The following PRKCZ variants were observed in gnomAD, a reference collection of about 807,000 sequenced individuals.
PRKCZ encodes the protein protein kinase C zeta type.
PRKCZ carries 33 observed loss-of-function variants against 79.5 expected under a neutral mutation model. The observed-to-expected ratio is 0.41, with a 90% CI of 0.31 to 0.55. PRKCZ has a LOEUF of 0.55. PRKCZ is among the 20% of genes least tolerant of loss of function. PRKCZ has a pLI of 0.19. For synonymous variants in PRKCZ, 342 were observed against 320.9 expected, an observed-to-expected ratio of 1.07 and a Z score of -0.70; for missense variants, 578 against 813.5, an observed-to-expected ratio of 0.71 and a Z score of 3.52.
chr1:2,129,087 C>T lies in PRKCZ; in HGVS notation c.335-6175C>T, dbSNP rs973266375. ...CAGGTCCCCCCAACATCCCTGCCTG[C>T]GGGCCCAGAAAGGCAGAGTGGCTGC... On this transcript the variant is annotated intron_variant, in intron 4 of 17. Coordinates refer to ENST00000378567, the MANE Select transcript of PRKCZ (RefSeq NM_002744.6). 3.3e-5 allele frequency among the ~76,000 whole-genome samples: 5 copies of T among 152,290 alleles called. No homozygotes were observed. In the East Asian group the frequency reaches 5.8e-4, roughly 18 times the overall value.
chr1:2,078,479 A>G (rs1163773964), intron 4 of PRKCZ, among the ~76,000 whole-genome samples: 1 of 152,106 alleles, frequency 6.6e-6, no homozygotes, highest in Non-Finnish European at 1.5e-5. Context: ...AAAGTCTTGT[A>G]GAATCTTTTG....
chr1:2,175,879 G>A (rs532114547), intron 16 of PRKCZ, among the ~76,000 whole-genome samples: 12 of 152,112 alleles, frequency 7.9e-5, no homozygotes, highest in African/African-American at 2.2e-4. Context: ...CGGCACATGC[G>A]TCCTGACCTG....
At chr1:2,087,901 A>AC (rs1557528643) in intron 4 of PRKCZ, among the ~76,000 whole-genome samples, 20 of 152,200 alleles carry the variant, frequency 1.3e-4, no homozygotes, top group Non-Finnish European at 8.8e-5. Context: ...CAGGCAGGTC[A>AC]CTGCCTGCAC....
intron 4 of PRKCZ, among the ~76,000 whole-genome samples, chr1:2,101,904 A>T (rs1355059059): frequency 2.6e-5 from 4 of 152,228 alleles, no homozygotes; most frequent in Non-Finnish European, 5.9e-5. Flanking sequence ...TGGTGGATTT[A>T]TAACAGATAT....
At chr1:2,183,202 G>T (rs1686970669) in intron 16 of PRKCZ, among the ~76,000 whole-genome samples, 1 of 149,934 alleles carries the variant, frequency 6.7e-6, no homozygotes, top group Admixed American at 6.7e-5. Context: ...CTGCACTTCA[G>T]CCTGGGAGAC....
chr1:2,092,158 C>T (rs1248419989), intron 4 of PRKCZ, among the ~76,000 whole-genome samples: 1 of 152,224 alleles, frequency 6.6e-6, no homozygotes, highest in Non-Finnish European at 1.5e-5. Flanking sequence ...TGGCTCCGGC[C>T]CCGTCCATCC....
At chr1:2,140,404 G>A (rs906179704) in intron 5 of PRKCZ, among the ~76,000 whole-genome samples, 1 of 152,212 alleles carries the variant, frequency 6.6e-6, no homozygotes, top group African/African-American at 2.4e-5. Context: ...TGTAATCCCA[G>A]CACTTTGGGA....
intron 10 of PRKCZ, among the ~76,000 whole-genome samples, chr1:2,164,130 T>A (rs924049574): frequency 3.3e-5 from 5 of 152,198 alleles, no homozygotes; most frequent in Non-Finnish European, 2.9e-5. Flanking sequence ...ATATTTTATT[T>A]AGGATTTTTT....
chr1:2,121,958 G>A (rs796160341), intron 4 of PRKCZ, among the ~76,000 whole-genome samples: 5 of 4,870 alleles, frequency 1.0e-3, no homozygotes, highest in South Asian at 5.4e-3. Flanking sequence ...TCACGGCGGT[G>A]GTTAGGGTCA....
rs1335745413 is a variant in PRKCZ, at chr1:2,075,235, G to A, written c.334+15644G>A. The stretch of plus-strand genomic sequence containing the variant: ...GTTTCCTCGGTGCCTGGGACGGCTT[G>A]GCCTCTGCTTTCGTGTGAGCCCACG... On this transcript the variant is annotated intron_variant, in intron 4 of 17. Transcript: ENST00000378567. This position sits in a 1 kb window ranked among gnomAD's most constrained non-coding sequence, Gnocchi z 4.8. 1 of 152,284 alleles carries A rather than the reference G, an allele frequency of 6.6e-6. No individual in the cohort carries two copies. Among genetic ancestry groups the A allele is most frequent in the African/African-American group, 2.4e-5 (1 of 41,448 alleles). The allele number at this position is 152,284 out of a possible 1,614,324, so 9.4% of individuals were successfully genotyped here. A position where few individuals can be genotyped will look rare whatever the true frequency, so the allele number is the denominator to read the frequency against.
chr1:2,100,013 CG>C (rs1282799774), intron 4 of PRKCZ, among the ~76,000 whole-genome samples: 1 of 152,118 alleles, frequency 6.6e-6, no homozygotes, highest in Non-Finnish European at 1.5e-5. Context: ...TTGTTGAAAC[CG>C]GAAGCCATTT....
chr1:2,156,184 T>G (rs974283438), intron 10 of PRKCZ, 92 bp downstream of exon 10: 1 of 1,222,860 alleles, frequency 8.2e-7, no homozygotes, highest in Non-Finnish European at 1.2e-6. Flanking sequence ...AACTGTCACC[T>G]GTAAGGTTCT....
At chr1:2,140,825 G>A (rs1193711842) in intron 5 of PRKCZ, among the ~76,000 whole-genome samples, 3 of 151,802 alleles carry the variant, frequency 2.0e-5, no homozygotes, top group African/African-American at 4.8e-5. Context: ...AAAATCAGCC[G>A]GACGTGGTGG....
intron 4 of PRKCZ, 121 bp from the exon 5 acceptor site, chr1:2,135,141 C>T: frequency 2.6e-6 from 2 of 781,520 alleles, no homozygotes; most frequent in Non-Finnish European, 4.1e-6. Context: ...CCCTGCCTTC[C>T]CTGCCTGGGA....
At chr1:2,148,141 CATCT>C (rs766446739) in intron 7 of PRKCZ, among the ~76,000 whole-genome samples, 15 of 148,726 alleles carry the variant, frequency 1.0e-4, no homozygotes, top group Non-Finnish European at 1.8e-4. Flanking sequence ...TCCATCTATC[CATCT>C]GTCTGTTGTC....
chr1:2,155,023 C>T (rs952888486), intron 9 of PRKCZ, among the ~76,000 whole-genome samples: 3 of 152,208 alleles, frequency 2.0e-5, no homozygotes, highest in African/African-American at 4.8e-5. Context: ...AGGGCAAAGC[C>T]TGGAGGCCAG....
At chr1:2,105,589 G>T (rs113313636) in intron 4 of PRKCZ, among the ~76,000 whole-genome samples, 1 of 152,072 alleles carries the variant, frequency 6.6e-6, no homozygotes, top group Non-Finnish European at 1.5e-5. Flanking sequence ...TAGTAGAGAC[G>T]GGGTTTCACC....
At chr1:2,132,344 C>G (rs1309912283) in intron 4 of PRKCZ, among the ~76,000 whole-genome samples, 1 of 152,182 alleles carries the variant, frequency 6.6e-6, no homozygotes, top group Non-Finnish European at 1.5e-5. Flanking sequence ...TGAATGCTCC[C>G]GAGCCCAGGA....
rs1320850362 is a variant in PRKCZ at position 2,174,262 on chromosome 1, C to G, written c.1405+246C>G. On this transcript the variant is annotated intron_variant, in intron 14 of 17. Coordinates refer to ENST00000378567, the MANE Select transcript of PRKCZ (RefSeq NM_002744.6). The surrounding 1 kb of genome is among the most constrained non-coding windows in gnomAD (Gnocchi z 6.2). ...CCCATTCAGCTCCAACTCCCTCCTGCCCTGGCCAGCAGCACATGCTGGAGC... is the reference window on the plus strand; with the variant it reads ...CCCATTCAGCTCCAACTCCCTCCTGGCCTGGCCAGCAGCACATGCTGGAGC... Among the ~76,000 whole-genome samples, 1 of 152,198 alleles carries G rather than the reference C, an allele frequency of 6.6e-6. No homozygotes were observed. Among genetic ancestry groups the G allele is most frequent in the African/African-American group, 2.4e-5 (1 of 41,452 alleles).
Sources: gnomAD v4.1 joint callset for allele counts (sites outside exome capture counted in the v4.1 genomes callset) on GRCh38, gnomAD v4.1.1 for gene constraint, Gnocchi (gnomAD v3.1) non-coding constraint, MANE v1.5 for transcripts, NCBI Gene and HGNC (gene_info 2026-07-23, HGNC 2026-07-21) for gene names.